The following NTRK3 variants were observed in gnomAD, a reference collection of about 807,000 sequenced individuals.
NTRK3 encodes neurotrophic receptor tyrosine kinase 3.
In NTRK3, 24 loss-of-function variants were observed where a neutral mutation model predicts 91.7. The ratio of observed to expected loss-of-function variants is 0.26; its 90% CI spans 0.19 to 0.37. NTRK3 has a LOEUF of 0.37. Ranked by LOEUF, NTRK3 falls within the 10% of genes least tolerant of loss-of-function variation. NTRK3 has a pLI of 1.00. For missense variants in NTRK3, 880 were observed against 1,068.9 expected, an observed-to-expected ratio of 0.82 and a Z score of 2.46; for synonymous variants, 483 against 404.0, an observed-to-expected ratio of 1.20 and a Z score of -2.34.
At chr15:88,067,989 T>C (rs1271086631) in intron 13 of NTRK3, among the ~76,000 whole-genome samples, 1 of 152,198 alleles carries the variant, frequency 6.6e-6, no homozygotes, top group African/African-American at 2.4e-5. Flanking sequence ...TTACGGGCTG[T>C]GACTATCTTA....
At chr15:88,111,477 C>T (rs1014617322) in intron 13 of NTRK3, among the ~76,000 whole-genome samples, 7 of 152,164 alleles carry the variant, frequency 4.6e-5, no homozygotes, top group Non-Finnish European at 1.0e-4. Context: ...CAGTATGAAG[C>T]TGTTAGCTTA....
chr15:87,936,447 T>C (rs146273581), intron 15 of NTRK3, among the ~76,000 whole-genome samples: 4 of 152,028 alleles, frequency 2.6e-5, no homozygotes, highest in African/African-American at 9.7e-5. Context: ...ATAGGCTAGA[T>C]GGCAAGAACA....
chr15:88,128,578 C>T, intron 11 of NTRK3, 133 bp downstream of exon 11: 1 of 935,472 alleles, frequency 1.1e-6, no homozygotes, highest in Non-Finnish European at 1.8e-6. Flanking sequence ...TTCCCTTTCA[C>T]AGTTCACTCA....
intron 14 of NTRK3, among the ~76,000 whole-genome samples, chr15:88,003,243 C>T (rs1249280629): frequency 6.6e-6 from 1 of 152,218 alleles, no homozygotes; most frequent in Non-Finnish European, 1.5e-5. Flanking sequence ...AACTGGGAGG[C>T]GTAGAAGCAG....
intron 6 of NTRK3, among the ~76,000 whole-genome samples, chr15:88,146,083 A>G (rs2042865264): frequency 6.6e-6 from 1 of 152,228 alleles, no homozygotes; most frequent in African/African-American, 2.4e-5. Context: ...TAAATTAAGT[A>G]TACAACTTAA....
At chr15:88,116,901 G>T (rs931808217) in intron 13 of NTRK3, among the ~76,000 whole-genome samples, 1 of 152,194 alleles carries the variant, frequency 6.6e-6, no homozygotes, top group African/African-American at 2.4e-5. Flanking sequence ...AGTGGGTATG[G>T]GGTAAACCCT....
chr15:87,939,118 C>A (rs1013255748), intron 15 of NTRK3, among the ~76,000 whole-genome samples: 8 of 152,066 alleles, frequency 5.3e-5, no homozygotes, highest in Admixed American at 5.2e-4. Context: ...AAATATTTAC[C>A]TTTAGAGAAA....
intron 3 of NTRK3, among the ~76,000 whole-genome samples, chr15:88,203,963 A>G (rs952327397): frequency 5.9e-5 from 9 of 152,146 alleles, no homozygotes; most frequent in Non-Finnish European, 8.8e-5. Context: ...TGCTGCACCT[A>G]TCAACCCATC....
chr15:88,183,303 C>T (rs1039962854), intron 5 of NTRK3, 115 bp downstream of exon 5: 1 of 1,008,904 alleles, frequency 9.9e-7, no homozygotes, highest in Non-Finnish European at 1.6e-6. Context: ...AGTTCAAAAC[C>T]TTGCCCAAGA....
At chr15:87,910,811 G>C (rs2067048212) in intron 17 of NTRK3, among the ~76,000 whole-genome samples, 1 of 152,142 alleles carries the variant, frequency 6.6e-6, no homozygotes, top group African/African-American at 2.4e-5. Context: ...AGTTGCAGGG[G>C]GTGCAGGGGA....
intron 3 of NTRK3, among the ~76,000 whole-genome samples, chr15:88,192,473 C>T (rs971153338): frequency 2.2e-4 from 33 of 152,154 alleles, no homozygotes; most frequent in Admixed American, 3.3e-4. Flanking sequence ...TATTCTAACC[C>T]GGAGAACAAG....
chr15:87,913,272 C>A (rs2067226080), intron 17 of NTRK3, among the ~76,000 whole-genome samples: 1 of 151,918 alleles, frequency 6.6e-6, no homozygotes, highest in Admixed American at 6.6e-5. Flanking sequence ...CCTGGCAAAC[C>A]CCTTTCTCTG....
At chr15:88,188,355 A>G (rs1567612171) in intron 3 of NTRK3, among the ~76,000 whole-genome samples, 1 of 152,242 alleles carries the variant, frequency 6.6e-6, no homozygotes, top group South Asian at 2.1e-4. Context: ...ACATTTGACA[A>G]TATCTGGACA....
intron 14 of NTRK3, among the ~76,000 whole-genome samples, chr15:88,009,031 G>A (rs967670193): frequency 6.6e-6 from 1 of 152,156 alleles, no homozygotes; most frequent in African/African-American, 2.4e-5. Flanking sequence ...CTGCCTCCAG[G>A]GGACCTCTAG....
At chr15:88,202,883 C>G (rs551393145) in intron 3 of NTRK3, among the ~76,000 whole-genome samples, 1 of 152,204 alleles carries the variant, frequency 6.6e-6, no homozygotes, top group Non-Finnish European at 1.5e-5. Flanking sequence ...AAGTAAAATG[C>G]CACTGGCCAG....
At chr15:88,142,601 G>A (rs1597565349) in intron 6 of NTRK3, among the ~76,000 whole-genome samples, 2 of 152,218 alleles carry the variant, frequency 1.3e-5, no homozygotes, top group Non-Finnish European at 2.9e-5. Flanking sequence ...ACCCAGATCA[G>A]CCAGGACAGC....
intron 14 of NTRK3, among the ~76,000 whole-genome samples, chr15:88,023,713 C>A (rs1258534753): frequency 6.6e-6 from 1 of 152,170 alleles, no homozygotes; most frequent in Non-Finnish European, 1.5e-5. Flanking sequence ...TAACAGCAGC[C>A]CCTGGTATGC....
At chr15:88,129,213 CT>C in intron 10 of NTRK3, among the ~76,000 whole-genome samples, 1 of 152,274 alleles carries the variant, frequency 6.6e-6, no homozygotes, top group East Asian at 1.9e-4. Flanking sequence ...TTGAGAATCC[CT>C]CTAGAATCTG....
chr15:88,088,449 C>CA (rs1439265473), intron 13 of NTRK3, among the ~76,000 whole-genome samples: 6 of 152,018 alleles, frequency 3.9e-5, no homozygotes, highest in Non-Finnish European at 8.8e-5. Flanking sequence ...CCAGAATGAG[C>CA]AACAAGGAGC....
Sources: allele counts gnomAD v4.1 joint callset (sites outside exome capture counted in the v4.1 genomes callset), GRCh38; gene constraint gnomAD v4.1.1; transcripts MANE v1.5; gene names NCBI Gene and HGNC (gene_info 2026-07-23, HGNC 2026-07-21).